GRID2: variants seen among roughly 807,000 people sequenced by gnomAD.
GRID2 encodes the protein glutamate ionotropic receptor delta type subunit 2.
In GRID2, 33 loss-of-function variants were observed where a neutral mutation model predicts 114.8. The observed-to-expected ratio is 0.29, with a 90% CI of 0.22 to 0.38. The LOEUF is 0.38. Among genes scored for constraint, GRID2 ranks in the 10% least tolerant of loss-of-function variants. GRID2 has a pLI of 1.00. For missense variants in GRID2, 1,184 were observed against 1,257.7 expected (o/e 0.94, Z 0.89); for synonymous variants, 505 against 449.9 (o/e 1.12, Z -1.55).
intron 2 of GRID2, chr4:92,884,922 C>A (rs1303708613): frequency 2.0e-5 from 7 of 345,580 alleles, no homozygotes; most frequent in South Asian, 7.8e-5. Flanking sequence ...AAGCTGGTGA[C>A]ATTTGGTCTC....
intron 1 of GRID2, among the ~76,000 whole-genome samples, chr4:93,799,807 T>A (rs1424968869): frequency 6.6e-6 from 1 of 152,218 alleles, no homozygotes; most frequent in African/African-American, 2.4e-5. Context: ...AATTGCTATG[T>A]TTTGTTTTTG....
At chr4:92,613,182 G>T (rs1579685473) in intron 2 of GRID2, among the ~76,000 whole-genome samples, 1 of 151,366 alleles carries the variant, frequency 6.6e-6, no homozygotes. Context: ...AGGTGATCAT[G>T]TGGTTTTTAT....
intron 2 of GRID2, among the ~76,000 whole-genome samples, chr4:92,861,459 T>C (rs1254743769): frequency 6.6e-6 from 1 of 152,098 alleles, no homozygotes; most frequent in Non-Finnish European, 1.5e-5. Flanking sequence ...GCAATCATCT[T>C]TTTCTCATGC....
intron 2 of GRID2, among the ~76,000 whole-genome samples, chr4:92,613,006 T>G (rs893375043): frequency 6.6e-6 from 1 of 151,410 alleles, no homozygotes; most frequent in Non-Finnish European, 1.5e-5. Flanking sequence ...GTTTCTAATA[T>G]TAGGTAGCAA....
chr4:92,392,200 A>C (rs1730273350), intron 1 of GRID2, among the ~76,000 whole-genome samples: 1 of 152,122 alleles, frequency 6.6e-6, no homozygotes, highest in South Asian at 2.1e-4. Context: ...GATCCTTTGA[A>C]AAGTAAATTT....
At chr4:92,636,488 A>G (rs1354703503) in intron 2 of GRID2, among the ~76,000 whole-genome samples, 4 of 151,984 alleles carry the variant, frequency 2.6e-5, no homozygotes, top group Non-Finnish European at 5.9e-5. Context: ...TTTGCTCACA[A>G]TCCTTTGTTC....
intron 14 of GRID2, among the ~76,000 whole-genome samples, chr4:93,760,610 T>TC (rs1733124566): frequency 6.6e-6 from 1 of 152,176 alleles, no homozygotes. Context: ...TTAAATGTGA[T>TC]CCCATCTCCC....
intron 2 of GRID2, among the ~76,000 whole-genome samples, chr4:93,078,087 G>T (rs1394003382): frequency 6.6e-6 from 1 of 152,014 alleles, no homozygotes; most frequent in Non-Finnish European, 1.5e-5. Context: ...TCTCTACCAT[G>T]CTCTTTGCAC....
chr4:93,537,091 C>A (rs1438405038), intron 13 of GRID2, among the ~76,000 whole-genome samples: 1 of 151,504 alleles, frequency 6.6e-6, no homozygotes. Flanking sequence ...GTATCTCTGG[C>A]CATGAGATTA....
Position 92,977,509 on chromosome 4 carries a change from C to A in GRID2, c.245-107486C>A, listed in dbSNP as rs376265039. Among the ~76,000 whole-genome samples the A allele has an allele frequency of 2.6e-5, 4 of 152,182 alleles. 1 individual carries two copies. Among genetic ancestry groups the A allele is most frequent in the African/African-American group, 9.6e-5 (4 of 41,530 alleles). The stretch of plus-strand genomic sequence containing the variant: ...AGCCAGATCTTTGAAGCCCTTCATG[C>A]CCTGGTAAAAAATATAGATTTTATT... On this transcript the variant is annotated intron_variant, in intron 2 of 15. Transcript: ENST00000282020.
chr4:92,381,461 T>G (rs1729614427), intron 1 of GRID2, among the ~76,000 whole-genome samples: 1 of 152,088 alleles, frequency 6.6e-6, no homozygotes. Context: ...GACTAGCAAC[T>G]GAGTGATTAT....
chr4:92,399,316 A>G (rs1730662267), intron 1 of GRID2, among the ~76,000 whole-genome samples: 1 of 152,016 alleles, frequency 6.6e-6, no homozygotes, highest in African/African-American at 2.4e-5. Context: ...CGTTGAGCTC[A>G]TAGTCCGAGA....
At chr4:92,823,870 G>A (rs1442012016) in intron 2 of GRID2, among the ~76,000 whole-genome samples, 1 of 152,088 alleles carries the variant, frequency 6.6e-6, no homozygotes, top group Non-Finnish European at 1.5e-5. Flanking sequence ...CTGACAGGTC[G>A]AACTGTTTGT....
chr4:92,940,740 C>T (rs1245543659), intron 2 of GRID2, among the ~76,000 whole-genome samples: 3 of 151,988 alleles, frequency 2.0e-5, no homozygotes, highest in Non-Finnish European at 4.4e-5. Flanking sequence ...GAGATACATC[C>T]CATCAATACC....
At chr4:93,526,696 C>A (rs1457370120) in intron 13 of GRID2, among the ~76,000 whole-genome samples, 1 of 152,146 alleles carries the variant, frequency 6.6e-6, no homozygotes, top group East Asian at 1.9e-4. Context: ...GTAATCCCAG[C>A]TACTCGGGAA....
intron 3 of GRID2, among the ~76,000 whole-genome samples, chr4:93,090,456 C>T (rs1356326679): frequency 6.6e-6 from 1 of 152,134 alleles, no homozygotes; most frequent in Admixed American, 6.6e-5. Context: ...ATACCCTGGC[C>T]AGTGAGTTGA....
intron 2 of GRID2, among the ~76,000 whole-genome samples, chr4:92,880,712 C>T (rs895421861): frequency 3.3e-5 from 5 of 152,028 alleles, no homozygotes; most frequent in African/African-American, 7.2e-5. Flanking sequence ...AATTTGGCCA[C>T]AGAGATCTTT....
At chr4:92,754,892 A>G (rs926197290) in intron 2 of GRID2, among the ~76,000 whole-genome samples, 8 of 152,188 alleles carry the variant, frequency 5.3e-5, no homozygotes, top group Admixed American at 6.6e-5. Flanking sequence ...ATTTTCATTT[A>G]CATCTATTGT....
chr4:92,905,360 C>T (rs1046216013), intron 2 of GRID2, among the ~76,000 whole-genome samples: 1 of 149,042 alleles, frequency 6.7e-6, no homozygotes, highest in Non-Finnish European at 1.5e-5. Context: ...ATCAACATGA[C>T]TCTAATTTAT....
Sources: allele counts gnomAD v4.1 joint callset (sites outside exome capture counted in the v4.1 genomes callset), GRCh38; gene constraint gnomAD v4.1.1; transcripts MANE v1.5; gene names NCBI Gene and HGNC (gene_info 2026-07-23, HGNC 2026-07-21).